Variants in MYH11 observed in about 807,000 individuals in gnomAD.
MYH11 encodes the protein myosin-11.
MYH11 carries 80 observed loss-of-function variants against 246.6 expected under a neutral mutation model. That is an observed-to-expected ratio of 0.32 (90% CI 0.27 to 0.39). The LOEUF is 0.39. MYH11 is among the 10% of genes least tolerant of loss of function. The pLI is 1.00. For missense variants in MYH11, 2,158 were observed against 2,546.8 expected, an observed-to-expected ratio of 0.85 and a Z score of 3.29; for synonymous variants, 1,071 against 1,015.5, an observed-to-expected ratio of 1.05 and a Z score of -1.04.
intron 40 of MYH11, chr16:15,714,145 T>TA (rs1372658974): frequency 6.6e-6 from 1 of 152,604 alleles, no homozygotes; most frequent in Non-Finnish European, 1.5e-5. Flanking sequence ...AGCCCGGAGC[T>TA]AAAACCTCCT....
At chr16:15,763,400 A>C (rs1439507577) in intron 10 of MYH11, among the ~76,000 whole-genome samples, 1 of 152,066 alleles carries the variant, frequency 6.6e-6, no homozygotes, top group Non-Finnish European at 1.5e-5. Flanking sequence ...TCTGGTCACT[A>C]TTAGGGGTAG....
At position 15,745,159 on chromosome 16, in the gene MYH11, C is replaced by CCGCA; in HGVS notation, c.2486_2489dup (p.Asn831AlafsTer31). On this transcript the variant is annotated frameshift_variant, in exon 20 of 41. Transcript: ENST00000300036. LOFTEE classifies it high-confidence loss of function. ...TGAAAAGCCTCCACCACTGCCAGTT[C>CCGCA]CGCAGCTTGAGGTAGGCGGCGCAGT... 6.2e-7 allele frequency: 1 copy of CCGCA among 1,614,180 alleles called. No individual in the cohort carries two copies. The highest frequency in any genetic ancestry group is 8.5e-7 in the Non-Finnish European group (1 of 1,180,034).
At position 15,753,257 on chromosome 16, in the gene MYH11, G is replaced by A. The variant is rs897579469; in HGVS notation, c.1864+137C>T. ...AAATTGTTTCAACGAGACATCACCA[G>A]CCCATGCCAATGCTCTTCCTTCCCC... On this transcript the variant is annotated intron_variant, in intron 15 of 40. Transcript: ENST00000300036. The A allele has an allele frequency of 6.5e-6, 5 of 774,052 alleles. No individual in the cohort carries two copies. In the African/African-American group the frequency reaches 8.6e-5, roughly 13 times the overall value. 47.9% of individuals were successfully genotyped at this position (774,052 alleles called of 1,614,324 possible).
At chr16:15,711,213 TG>T (rs1197045741) in intron 40 of MYH11, 1 of 152,242 alleles carries the variant, frequency 6.6e-6, no homozygotes, top group Admixed American at 6.5e-5. Flanking sequence ...TCTCACGCAG[TG>T]GTCCCCAAAC....
chr16:15,746,981 G>A (rs561946011), intron 19 of MYH11, among the ~76,000 whole-genome samples: 5 of 152,154 alleles, frequency 3.3e-5, no homozygotes, highest in Non-Finnish European at 5.9e-5. Flanking sequence ...CCAGCCACTC[G>A]GGAGGCTCAG....
chr16:15,847,736 G>A (rs1240145001), intron 1 of MYH11, among the ~76,000 whole-genome samples: 1 of 152,172 alleles, frequency 6.6e-6, no homozygotes, highest in Non-Finnish European at 1.5e-5. Flanking sequence ...TACAAAAAAG[G>A]AGAGCTTGGA....
intron 3 of MYH11, among the ~76,000 whole-genome samples, chr16:15,814,088 G>A (rs1440693167): frequency 6.6e-6 from 1 of 151,762 alleles, no homozygotes; most frequent in Non-Finnish European, 1.5e-5. Context: ...AGGCTGCAGT[G>A]AGCAGAGATC....
At chr16:15,725,973 C>T (rs1230304138) in intron 28 of MYH11, 1 of 335,662 alleles carries the variant, frequency 3.0e-6, no homozygotes. Context: ...TACCCCCAAC[C>T]CCAGCTGGGC....
chr16:15,710,067 C>CA (rs1197859736), intron 40 of MYH11, among the ~76,000 whole-genome samples: 1 of 152,170 alleles, frequency 6.6e-6, no homozygotes, highest in African/African-American at 2.4e-5. Flanking sequence ...TTTGTGCACC[C>CA]AAAAGATGCA....
chr16:15,812,551 T>TAAAAAAAAAAAAAAA (rs71134466), intron 3 of MYH11, among the ~76,000 whole-genome samples: 2 of 37,408 alleles, frequency 5.3e-5, no homozygotes, highest in Non-Finnish European at 8.9e-5. Context: ...ATCTTATCTC[T>TAAAAAAAAAAAAAAA]AAAAAAAAAA....
intron 3 of MYH11, among the ~76,000 whole-genome samples, chr16:15,800,775 A>G (rs72772085): frequency 0.013 from 2,002 of 152,158 alleles, 17 homozygotes; most frequent in Non-Finnish European, 0.022. Flanking sequence ...CCCAACTCCA[A>G]TCAGTTCTCT....
intron 4 of MYH11, among the ~76,000 whole-genome samples, chr16:15,797,268 C>T (rs2042762568): frequency 6.6e-6 from 1 of 152,140 alleles, no homozygotes; most frequent in Non-Finnish European, 1.5e-5. Context: ...ATTCTAATTA[C>T]TAGTTTTTAA....
intron 27 of MYH11, among the ~76,000 whole-genome samples, chr16:15,730,234 G>C (rs2040919680): frequency 6.6e-6 from 1 of 151,798 alleles, no homozygotes; most frequent in African/African-American, 2.4e-5. Flanking sequence ...CTCTTCTTTA[G>C]AAATTACCCA....
At chr16:15,836,972 G>A (rs1297115454) in intron 2 of MYH11, among the ~76,000 whole-genome samples, 3 of 151,766 alleles carry the variant, frequency 2.0e-5, no homozygotes, top group South Asian at 2.1e-4. Context: ...TGATCTACCC[G>A]CCTTGGCCTC....
intron 40 of MYH11, among the ~76,000 whole-genome samples, chr16:15,704,385 A>C (rs2039340628): frequency 6.6e-6 from 1 of 152,146 alleles, no homozygotes; most frequent in African/African-American, 2.4e-5. Flanking sequence ...TTTCAAAGCA[A>C]GACGATCTGC....
chr16:15,761,993 G>C (rs2041877972), intron 10 of MYH11, among the ~76,000 whole-genome samples: 1 of 152,168 alleles, frequency 6.6e-6, no homozygotes, highest in African/African-American at 2.4e-5. Flanking sequence ...TTATGTTTTG[G>C]ACACAGAGTC....
intron 4 of MYH11, chr16:15,790,916 T>TCCTAATTC (rs2042592779): frequency 6.6e-6 from 1 of 151,976 alleles, no homozygotes; most frequent in African/African-American, 2.4e-5. Context: ...TGGAAATTCT[T>TCCTAATTC]CCTAATTCTT....
chr16:15,720,283 G>A lies in MYH11; in HGVS notation c.4821C>T (p.Asp1607=), dbSNP rs749424185. 63 of 1,613,916 alleles carry A rather than the reference G, an allele frequency of 3.9e-5. 3 individuals carry two copies. The South Asian group carries it at 6.0e-4, about 15-fold the overall frequency. ...CTGCCAGGGCACGTTGCTTTCGCTCGTCTTCCAGTTCCGTCTCATACTCGT... is the reference window on the plus strand; with the variant it reads ...CTGCCAGGGCACGTTGCTTTCGCTCATCTTCCAGTTCCGTCTCATACTCGT... ...QLHEYETELE[D]ERKQRALAAA... The change falls in exon 34 of 41, where the codon GAC becomes GAT. Residue 1607 remains aspartate (D), a synonymous_variant. Coordinates refer to ENST00000300036, the MANE Select transcript of MYH11 (RefSeq NM_002474.3).
At chr16:15,727,715 T>C (rs144448262) in intron 27 of MYH11, among the ~76,000 whole-genome samples, 1 of 152,324 alleles carries the variant, frequency 6.6e-6, no homozygotes, top group African/African-American at 2.4e-5. Context: ...AGCTCATACT[T>C]GTCATCCCCA....
Sources: gnomAD v4.1 joint callset for allele counts (sites outside exome capture counted in the v4.1 genomes callset) on GRCh38, gnomAD v4.1.1 for gene constraint, MANE v1.5 for transcripts, NCBI Gene and HGNC (gene_info 2026-07-23, HGNC 2026-07-21) for gene names.